The following C1QTNF1 variants were observed in gnomAD, a reference collection of about 807,000 sequenced individuals.
C1QTNF1 encodes the protein complement C1q tumor necrosis factor-related protein 1.
Under a neutral mutation model 27.8 loss-of-function variants are expected in C1QTNF1, and 22 were observed. The observed-to-expected ratio is 0.79, with a 90% CI of 0.56 to 1.13. C1QTNF1 has a LOEUF of 1.13. C1QTNF1 is among the 50% of genes most tolerant of loss of function. The pLI, the probability that C1QTNF1 is intolerant of heterozygous loss-of-function variation, is 0.00. For synonymous variants in C1QTNF1, 166 were observed against 154.3 expected (o/e 1.08, Z -0.56); for missense variants, 373 against 380.2 (o/e 0.98, Z 0.16).
intron 1 of C1QTNF1, chr17:79,025,052 AG>A (rs1201186690): frequency 6.6e-6 from 1 of 152,212 alleles, no homozygotes; most frequent in Non-Finnish European, 1.5e-5. Context: ...GGTGTCCTGG[AG>A]GGGGTCCAGC....
chr17:79,038,713 C>T (rs2072324847), intron 1 of C1QTNF1, among the ~76,000 whole-genome samples: 1 of 152,168 alleles, frequency 6.6e-6, no homozygotes, highest in Admixed American at 6.5e-5. Flanking sequence ...CACATTCTTC[C>T]AGATAACCTT....
intron 1 of C1QTNF1, among the ~76,000 whole-genome samples, chr17:79,037,605 G>A (rs745888859): frequency 1.3e-5 from 2 of 152,132 alleles, no homozygotes; most frequent in Admixed American, 1.3e-4. Flanking sequence ...TGGTGAACTT[G>A]CATGTGACTA....
chr17:79,031,747 TA>T lies in C1QTNF1; in HGVS notation c.-15+7254del, dbSNP rs527549679. 3.7e-3 allele frequency among the ~76,000 whole-genome samples: 568 copies of T among 152,332 alleles called. 3 individuals are homozygous for T. The highest frequency in any genetic ancestry group is 4.1e-3 in the Non-Finnish European group (278 of 68,020). On this transcript the variant is annotated intron_variant, in intron 1 of 3. Transcript: ENST00000579760. ...GCGTGAGCCACTGCACCCAGCCATG[TA>T]TTTCATTAGACTGTCTTCCTGGACA...
In C1QTNF1 at chr17:79,024,486, G is replaced by C. The variant is rs1389278985; in HGVS notation, c.-23G>C. Reference sequence around the variant, plus strand: ...GGGCGGCGCGGGAGGAGCGGCCGGCGGGACGGAGGTAGGTGGCCGGGCCGG... The same window carrying C: ...GGGCGGCGCGGGAGGAGCGGCCGGCCGGACGGAGGTAGGTGGCCGGGCCGG... On this transcript the variant is annotated 5_prime_UTR_variant, in exon 1 of 4. Coordinates refer to ENST00000579760, the MANE Select transcript of C1QTNF1 (RefSeq NM_030968.5). 1 of 152,536 alleles carries C rather than the reference G, an allele frequency of 6.6e-6. No individual in the cohort carries two copies. The highest frequency in any genetic ancestry group is 2.4e-5 in the African/African-American group (1 of 41,462). 9.4% of individuals were successfully genotyped at this position (152,536 alleles called of 1,614,324 possible). A position where few individuals can be genotyped will look rare whatever the true frequency, so the allele number is the denominator to read the frequency against.
chr17:79,043,844 T>TGG, intron 1 of C1QTNF1, 111 bp from the exon 2 acceptor site: 1 of 1,190,952 alleles, frequency 8.4e-7, no homozygotes, highest in Non-Finnish European at 1.2e-6. Context: ...GGCGTGAGGC[T>TGG]GGGGAAGCAC....
At chr17:79,025,169 C>T (rs1367053066) in intron 1 of C1QTNF1, 2 of 152,348 alleles carry the variant, frequency 1.3e-5, no homozygotes, top group African/African-American at 2.4e-5. Context: ...GCCTCTGAGC[C>T]GCCCTGGGGC....
chr17:79,038,140 C>T (rs867623689), intron 1 of C1QTNF1, among the ~76,000 whole-genome samples: 3 of 152,030 alleles, frequency 2.0e-5, no homozygotes, highest in Admixed American at 6.6e-5. Context: ...CAGGTGCACC[C>T]CACCACGCCC....
At chr17:79,045,232 G>T (rs1433495653) in intron 2 of C1QTNF1, among the ~76,000 whole-genome samples, 3 of 152,170 alleles carry the variant, frequency 2.0e-5, no homozygotes, top group Admixed American at 6.5e-5. Flanking sequence ...GTGTGCAAAG[G>T]CATGGCTGGT....
At chr17:79,029,488 T>C (rs1319562233) in intron 1 of C1QTNF1, among the ~76,000 whole-genome samples, 1 of 152,044 alleles carries the variant, frequency 6.6e-6, no homozygotes, top group East Asian at 1.9e-4. Context: ...AGCTCAGTGG[T>C]GTAGGGAAGG....
In C1QTNF1 at chr17:79,047,452, C is replaced by G. The variant is rs913983990; in HGVS notation, c.296-86C>G. On this transcript the variant is annotated intron_variant, in intron 3 of 3. Transcript: ENST00000579760. Reference sequence around the variant, plus strand: ...GGGCTGTGAGGACGAATCAGGACAGCGCCAGGGACCGGAGAGTGAGCAGCC... The same window carrying G: ...GGGCTGTGAGGACGAATCAGGACAGGGCCAGGGACCGGAGAGTGAGCAGCC... 2.2e-6 allele frequency: 3 copies of G among 1,339,336 alleles called. No homozygotes were observed. The Admixed American group carries it at 6.9e-5, about 31-fold the overall frequency. The allele number at this position is 1,339,336 out of a possible 1,614,324, so 83.0% of individuals were successfully genotyped here.
chr17:79,035,252 C>T (rs963437907), intron 1 of C1QTNF1, among the ~76,000 whole-genome samples: 1 of 152,116 alleles, frequency 6.6e-6, no homozygotes, highest in Admixed American at 6.6e-5. Context: ...AGCTTCTCAA[C>T]AGGAGAATTC....
chr17:79,042,093 T>G (rs2072426119), intron 1 of C1QTNF1, among the ~76,000 whole-genome samples: 2 of 152,318 alleles, frequency 1.3e-5, no homozygotes, highest in African/African-American at 4.8e-5. Flanking sequence ...ACCTTCTCAC[T>G]GGGCGGCTGT....
At chr17:79,026,162 C>CTT (rs562248895) in intron 1 of C1QTNF1, among the ~76,000 whole-genome samples, 1,570 of 146,438 alleles carry the variant, frequency 0.011, 31 homozygotes, top group African/African-American at 0.038. Context: ...TCATATGCTT[C>CTT]TTTTTTTTTT....
rs2072575236 is a variant in C1QTNF1 at position 79,046,460 on chromosome 17, C to T, written c.156-95C>T. The T allele has an allele frequency of 6.6e-7, 1 of 1,522,596 alleles. No homozygotes were observed. Among genetic ancestry groups the T allele is most frequent in the Non-Finnish European group, 9.0e-7 (1 of 1,111,562 alleles). 94.3% of individuals were successfully genotyped at this position (1,522,596 alleles called of 1,614,324 possible). On this transcript the variant is annotated intron_variant, in intron 2 of 3. Transcript: ENST00000579760. This position sits in a 1 kb window ranked among gnomAD's most constrained non-coding sequence, Gnocchi z 4.8. Reference sequence around the variant, plus strand: ...GGGTCCAGGTGAGAGAGTGAGAAGGCAGGTCAGGCATGCCAGAACCACTGG... The same window carrying T: ...GGGTCCAGGTGAGAGAGTGAGAAGGTAGGTCAGGCATGCCAGAACCACTGG...
chr17:79,046,979 G>A lies in C1QTNF1; in HGVS notation c.295+285G>A. ...GGTCTCGTCCCTCCAGTTGTATGTG[G>A]ACGCCAGGCTTCTAGGCCCTTTGCT... On this transcript the variant is annotated intron_variant, in intron 3 of 3. Coordinates refer to ENST00000579760, the MANE Select transcript of C1QTNF1 (RefSeq NM_030968.5). This position sits in a 1 kb window ranked among gnomAD's most constrained non-coding sequence, Gnocchi z 4.8. 5 of 439,928 alleles carry A rather than the reference G, an allele frequency of 1.1e-5. No individual in the cohort carries two copies. In the South Asian group the frequency reaches 1.8e-4, roughly 16 times the overall value. The allele number at this position is 439,928 out of a possible 1,614,324, so 27.3% of individuals were successfully genotyped here.
At chr17:79,043,199 G>A (rs1281812997) in intron 1 of C1QTNF1, 3 of 451,742 alleles carry the variant, frequency 6.6e-6, no homozygotes, top group Non-Finnish European at 8.9e-6. Flanking sequence ...AAGTGTGCAT[G>A]TGTGTGGATT....
upstream of C1QTNF1, among the ~76,000 whole-genome samples, chr17:79,023,702 G>GCACACACACACA (rs1437331174): frequency 1.2e-5 from 1 of 80,808 alleles, no homozygotes; most frequent in Non-Finnish European, 2.2e-5. Flanking sequence ...ATGCGCGCGC[G>GCACACACACACA]CGCACACACA....
At chr17:79,032,322 C>A (rs570429061) in intron 1 of C1QTNF1, among the ~76,000 whole-genome samples, 2 of 152,220 alleles carry the variant, frequency 1.3e-5, no homozygotes, top group African/African-American at 4.8e-5. Flanking sequence ...TGCCAGAGGA[C>A]GAGACCTCAA....
At chr17:79,047,452 C>A in intron 3 of C1QTNF1, 86 bp from the exon 4 acceptor site, 1 of 1,339,332 alleles carries the variant, frequency 7.5e-7, no homozygotes, top group Non-Finnish European at 1.0e-6. Context: ...ATCAGGACAG[C>A]GCCAGGGACC....
Sources: gnomAD v4.1 joint callset for allele counts (sites outside exome capture counted in the v4.1 genomes callset) on GRCh38, gnomAD v4.1.1 for gene constraint, Gnocchi (gnomAD v3.1) non-coding constraint, MANE v1.5 for transcripts, NCBI Gene and HGNC (gene_info 2026-07-23, HGNC 2026-07-21) for gene names.